ABCG1: variants seen among roughly 807,000 people sequenced by gnomAD.
ABCG1 encodes the protein ATP binding cassette subfamily G member 1, also known as ATP-binding cassette sub-family G member 1.
A neutral mutation model predicts 69.2 loss-of-function variants in ABCG1; 29 were observed. The ratio of observed to expected loss-of-function variants is 0.42; its 90% CI spans 0.31 to 0.57. The LOEUF (loss-of-function observed/expected upper bound fraction) is 0.57. ABCG1 is among the 20% of genes least tolerant of loss of function. The pLI is 0.15. For synonymous variants in ABCG1, 370 were observed against 374.8 expected (o/e 0.99, Z 0.15); for missense variants, 718 against 898.1 (o/e 0.80, Z 2.56).
intron 2 of ABCG1, among the ~76,000 whole-genome samples, chr21:42,260,854 G>A (rs1362614420): frequency 2.0e-5 from 3 of 151,046 alleles, no homozygotes; most frequent in South Asian, 4.2e-4. Context: ...ACGGAGTCTC[G>A]CTCTGCCAGG....
At chr21:42,224,466 C>T (rs557835207) in intron 1 of ABCG1, among the ~76,000 whole-genome samples, 15 of 152,270 alleles carry the variant, frequency 9.9e-5, no homozygotes, top group South Asian at 4.1e-4. Flanking sequence ...CAGCTCTGCT[C>T]GGGAATGCGG....
upstream of ABCG1, chr21:42,219,085 G>A (rs370265235): frequency 4.1e-5 from 17 of 417,372 alleles, no homozygotes; most frequent in East Asian, 9.0e-4. This position sits in a 1 kb window ranked among gnomAD's most constrained non-coding sequence, Gnocchi z 5.3. Flanking sequence ...GGCCAATCGC[G>A]CGCTCGGGGC....
chr21:42,240,994 G>A (rs1431307747), intron 2 of ABCG1, among the ~76,000 whole-genome samples: 17 of 152,278 alleles, frequency 1.1e-4, no homozygotes, highest in Non-Finnish European at 2.9e-5. Flanking sequence ...GGGAATTCAG[G>A]GCATGGGCAG....
At chr21:42,256,068 T>A in intron 2 of ABCG1, 1 of 1,086,288 alleles carries the variant, frequency 9.2e-7, no homozygotes, top group East Asian at 3.2e-5. Context: ...TTGACTTGGA[T>A]CCAGGTGTGC....
chr21:42,247,445 G>C (rs1490417359), intron 2 of ABCG1, among the ~76,000 whole-genome samples: 1 of 152,216 alleles, frequency 6.6e-6, no homozygotes, highest in African/African-American at 2.4e-5. Context: ...CAGAACCCGG[G>C]GGCACCCGGT....
At chr21:42,252,081 G>C (rs1601395027) in intron 2 of ABCG1, among the ~76,000 whole-genome samples, 1 of 152,218 alleles carries the variant, frequency 6.6e-6, no homozygotes, top group East Asian at 1.9e-4. Flanking sequence ...TCCCCGCAAT[G>C]CTTCTTGGAT....
intron 14 of ABCG1, chr21:42,295,094 G>T (rs2069177982): frequency 1.2e-5 from 2 of 170,210 alleles, no homozygotes; most frequent in South Asian, 1.4e-4. Flanking sequence ...GCTGAGGCAG[G>T]CAGATCACTT....
intron 3 of ABCG1, among the ~76,000 whole-genome samples, chr21:42,272,927 C>G (rs946380966): frequency 1.3e-5 from 2 of 152,206 alleles, no homozygotes; most frequent in African/African-American, 4.8e-5. Flanking sequence ...CAGAAGCCAA[C>G]GTTACAAACC....
chr21:42,288,423 T>C lies in ABCG1; in HGVS notation c.1224+111T>C. 4 of 814,566 alleles carry C rather than the reference T, an allele frequency of 4.9e-6. No individual in the cohort carries two copies. The South Asian group carries it at 5.1e-5, about 10-fold the overall frequency. The allele number at this position is 814,566 out of a possible 1,614,324, so 50.5% of individuals were successfully genotyped here. On this transcript the variant is annotated intron_variant, in intron 10 of 14. Transcript: ENST00000398449. This position sits in a 1 kb window ranked among gnomAD's most constrained non-coding sequence, Gnocchi z 4.8. ...TCTCACATTGCTATAAAGAAATTCA[T>C]GAGGCCAGGCATGGTGACTCATGTC...
chr21:42,240,026 C>T (rs1760445728), intron 2 of ABCG1, among the ~76,000 whole-genome samples: 1 of 152,196 alleles, frequency 6.6e-6, no homozygotes, highest in Non-Finnish European at 1.5e-5. Flanking sequence ...TCCCCTGGGC[C>T]GTGGTTGTGG....
intron 2 of ABCG1, among the ~76,000 whole-genome samples, chr21:42,205,763 G>T (rs372296007): frequency 5.9e-5 from 9 of 152,084 alleles, no homozygotes; most frequent in East Asian, 3.9e-4. Flanking sequence ...CATTCTTGAG[G>T]TAAGAGTTTC....
At chr21:42,255,114 C>T (rs558165145) in intron 2 of ABCG1, among the ~76,000 whole-genome samples, 26 of 152,292 alleles carry the variant, frequency 1.7e-4, no homozygotes, top group African/African-American at 4.1e-4. Context: ...ATAAAAATAC[C>T]GCAGGGATGG....
At chr21:42,207,464 T>C (rs2067552049) in intron 2 of ABCG1, among the ~76,000 whole-genome samples, 1 of 152,262 alleles carries the variant, frequency 6.6e-6, no homozygotes, top group Admixed American at 6.5e-5. Context: ...TACTTTCTAT[T>C]TTATTTTTTC....
upstream of ABCG1, among the ~76,000 whole-genome samples, chr21:42,211,100 C>T (rs769572438): frequency 3.3e-5 from 5 of 152,028 alleles, no homozygotes; most frequent in African/African-American, 7.3e-5. Flanking sequence ...GCTGGGACTA[C>T]AGGCATGTGC....
chr21:42,285,617 G>C (rs532274536), intron 7 of ABCG1, among the ~76,000 whole-genome samples: 1 of 152,170 alleles, frequency 6.6e-6, no homozygotes, highest in Admixed American at 6.5e-5. Flanking sequence ...TTCTGAGCAG[G>C]GGGTTAGCAT....
chr21:42,256,276 C>A (rs188016146), intron 2 of ABCG1: 1 of 1,509,370 alleles, frequency 6.6e-7, no homozygotes, highest in Admixed American at 2.2e-5. Flanking sequence ...CCTGCCCTCC[C>A]GCCAGGAGGT....
At chr21:42,280,605 G>A (rs1195107580) in intron 5 of ABCG1, among the ~76,000 whole-genome samples, 1 of 152,236 alleles carries the variant, frequency 6.6e-6, no homozygotes, top group East Asian at 1.9e-4. Flanking sequence ...CCTTCTGGGT[G>A]GCATCACTCC....
intron 2 of ABCG1, among the ~76,000 whole-genome samples, chr21:42,253,538 AC>A (rs2068256253): frequency 6.6e-6 from 1 of 151,998 alleles, no homozygotes; most frequent in South Asian, 2.1e-4. Context: ...ATGCCATTGG[AC>A]CCCCAGGCAA....
chr21:42,215,726 T>C (rs2123481282), upstream of ABCG1, among the ~76,000 whole-genome samples: 1 of 152,286 alleles, frequency 6.6e-6, no homozygotes, highest in East Asian at 1.9e-4. Flanking sequence ...GGGCATCTGG[T>C]CCAGAGAACA....
Sources: allele counts gnomAD v4.1 joint callset (sites outside exome capture counted in the v4.1 genomes callset), GRCh38; gene constraint gnomAD v4.1.1; non-coding constraint Gnocchi (gnomAD v3.1); transcripts MANE v1.5; gene names NCBI Gene and HGNC (gene_info 2026-07-23, HGNC 2026-07-21).